Variants in PLCB1 observed in about 807,000 individuals in gnomAD.
PLCB1 encodes 1-phosphatidylinositol 4,5-bisphosphate phosphodiesterase beta-1.
Under a neutral mutation model 161.8 loss-of-function variants are expected in PLCB1, and 46 were observed. That is an observed-to-expected ratio of 0.28 (90% CI 0.22 to 0.36). The LOEUF (loss-of-function observed/expected upper bound fraction) is 0.36, where lower values mean the gene tolerates loss of function less well. Ranked by LOEUF, PLCB1 falls within the 10% of genes least tolerant of loss-of-function variation. The pLI, the probability that PLCB1 is intolerant of heterozygous loss-of-function variation, is 1.00. For missense variants in PLCB1, 1,016 were observed against 1,472.5 expected, an observed-to-expected ratio of 0.69 and a Z score of 5.07; for synonymous variants, 517 against 503.7, an observed-to-expected ratio of 1.03 and a Z score of -0.35.
chr20:8,205,422 G>T (rs1280632095), intron 2 of PLCB1, among the ~76,000 whole-genome samples: 1 of 152,172 alleles, frequency 6.6e-6, no homozygotes, highest in African/African-American at 2.4e-5. Context: ...ATGATTAAAT[G>T]ATGTAGGATG....
At chr20:8,457,714 G>GCGCACACACACACACACACACACACACA (rs1555808428) in intron 3 of PLCB1, among the ~76,000 whole-genome samples, 1 of 145,768 alleles carries the variant, frequency 6.9e-6, no homozygotes, top group Non-Finnish European at 1.5e-5. Flanking sequence ...ATGTGTGCGC[G>GCGCACACACACACACACACACACACACA]CACACACACA....
At chr20:8,354,055 G>C (rs144130013) in intron 2 of PLCB1, among the ~76,000 whole-genome samples, 3 of 151,400 alleles carry the variant, frequency 2.0e-5, no homozygotes, top group Non-Finnish European at 4.4e-5. Context: ...ACATATAATC[G>C]TGGTGGCCTG....
chr20:8,211,622 T>C (rs567000432), intron 2 of PLCB1, among the ~76,000 whole-genome samples: 7 of 152,240 alleles, frequency 4.6e-5, no homozygotes, highest in Admixed American at 2.0e-4. Flanking sequence ...ATGATGGATA[T>C]TGATGATGAA....
chr20:8,239,416 G>T (rs1183202073), intron 2 of PLCB1, among the ~76,000 whole-genome samples: 1 of 151,998 alleles, frequency 6.6e-6, no homozygotes, highest in Non-Finnish European at 1.5e-5. Context: ...ACCATCCGGT[G>T]TAAGGAATAG....
At chr20:8,799,682 C>T (rs1984194937) in intron 31 of PLCB1, among the ~76,000 whole-genome samples, 1 of 152,154 alleles carries the variant, frequency 6.6e-6, no homozygotes, top group African/African-American at 2.4e-5. Flanking sequence ...GATGGCCAAC[C>T]TCAAACCAAG....
At chr20:8,353,722 C>A (rs1001250068) in intron 2 of PLCB1, among the ~76,000 whole-genome samples, 1 of 152,044 alleles carries the variant, frequency 6.6e-6, no homozygotes, top group Non-Finnish European at 1.5e-5. Context: ...CTGTTAAGGT[C>A]ATCAAAAGCA....
intron 2 of PLCB1, among the ~76,000 whole-genome samples, chr20:8,296,578 T>C (rs180827568): frequency 4.6e-5 from 7 of 152,206 alleles, no homozygotes; most frequent in Admixed American, 3.9e-4. Context: ...GGAGGAAAGG[T>C]GATTTAAGGA....
chr20:8,537,462 A>G (rs1380957844), intron 3 of PLCB1, among the ~76,000 whole-genome samples: 2 of 152,068 alleles, frequency 1.3e-5, no homozygotes, highest in African/African-American at 2.4e-5. Context: ...TCCTATCTAT[A>G]TAGGGAGACT....
chr20:8,436,273 T>G lies in PLCB1; in HGVS notation c.246+64823T>G, dbSNP rs569376842. Among the ~76,000 whole-genome samples, 54 of 150,602 alleles carry G rather than the reference T, an allele frequency of 3.6e-4. 1 individual carries two copies. Among genetic ancestry groups the G allele is most frequent in the Non-Finnish European group, 8.8e-5 (6 of 67,834 alleles). On this transcript the variant is annotated intron_variant, in intron 3 of 31. Transcript: ENST00000338037. The stretch of plus-strand genomic sequence containing the variant: ...TCACTTTAACCTGGAAGGCAGAGGT[T>G]GCACTGAGATCGCGCCACCGAACTC...
At chr20:8,676,108 G>A (rs1990067925) in intron 9 of PLCB1, among the ~76,000 whole-genome samples, 2 of 152,238 alleles carry the variant, frequency 1.3e-5, no homozygotes, top group East Asian at 1.9e-4. Context: ...GGCGGCTCCC[G>A]CCTGCGATGC....
chr20:8,859,213 T>C (rs1987172314), intron 31 of PLCB1, among the ~76,000 whole-genome samples: 1 of 152,240 alleles, frequency 6.6e-6, no homozygotes, highest in Non-Finnish European at 1.5e-5. Flanking sequence ...CTCAAGAACT[T>C]TAATTAATAA....
chr20:8,821,545 AT>A (rs1985414284), intron 31 of PLCB1, among the ~76,000 whole-genome samples: 1 of 93,444 alleles, frequency 1.1e-5, no homozygotes, highest in Non-Finnish European at 2.1e-5. Context: ...ATATATATAT[AT>A]ATATATATAT....
intron 1 of PLCB1, among the ~76,000 whole-genome samples, chr20:8,135,003 G>T (rs1407219829): frequency 1.3e-5 from 2 of 152,054 alleles, no homozygotes; most frequent in African/African-American, 4.8e-5. Flanking sequence ...CTTTCTTAAG[G>T]TTGCCTTTCT....
At chr20:8,541,834 T>C (rs1985345426) in intron 3 of PLCB1, among the ~76,000 whole-genome samples, 1 of 152,232 alleles carries the variant, frequency 6.6e-6, no homozygotes, top group African/African-American at 2.4e-5. Flanking sequence ...CCAAGAATTC[T>C]GAGATCCAAG....
chr20:8,828,411 T>G (rs1283181433), intron 31 of PLCB1, among the ~76,000 whole-genome samples: 7 of 152,242 alleles, frequency 4.6e-5, no homozygotes, highest in Non-Finnish European at 1.0e-4. Context: ...TTCCTTTTTT[T>G]TAAACATTCT....
intron 10 of PLCB1, among the ~76,000 whole-genome samples, chr20:8,686,175 G>A (rs1222768154): frequency 6.6e-6 from 1 of 152,160 alleles, no homozygotes; most frequent in African/African-American, 2.4e-5. Context: ...TAAATTTTGT[G>A]TAGAGGTTAA....
chr20:8,565,609 A>G (rs903388338), intron 3 of PLCB1, among the ~76,000 whole-genome samples: 15 of 152,074 alleles, frequency 9.9e-5, no homozygotes, highest in African/African-American at 3.6e-4. Context: ...AATATATGGT[A>G]TATCTGTTTA....
intron 2 of PLCB1, among the ~76,000 whole-genome samples, chr20:8,341,635 C>T (rs1454747543): frequency 6.6e-6 from 1 of 152,184 alleles, no homozygotes; most frequent in Non-Finnish European, 1.5e-5. Context: ...TTCCTTCAAC[C>T]TTTGGCCTGA....
chr20:8,658,409 C>T, intron 8 of PLCB1, 129 bp from the exon 9 acceptor site: 1 of 661,960 alleles, frequency 1.5e-6, no homozygotes, highest in South Asian at 2.0e-5. Context: ...GTTTTCAGGG[C>T]AAGATAGGAG....
Sources: allele counts gnomAD v4.1 joint callset (sites outside exome capture counted in the v4.1 genomes callset), GRCh38; gene constraint gnomAD v4.1.1; transcripts MANE v1.5; gene names NCBI Gene and HGNC (gene_info 2026-07-23, HGNC 2026-07-21).